GABRA5: variants seen among roughly 807,000 people sequenced by gnomAD.
GABRA5 encodes the protein gamma-aminobutyric acid receptor subunit alpha-5.
GABRA5 carries 18 observed loss-of-function variants against 47.3 expected under a neutral mutation model. That is an observed-to-expected ratio of 0.38 (90% confidence interval 0.26 to 0.56). GABRA5 has a LOEUF of 0.56. GABRA5 is among the 20% of genes least tolerant of loss of function. GABRA5 has a pLI of 0.71. For synonymous variants in GABRA5, 237 were observed against 229.3 expected (o/e 1.03, Z -0.30); for missense variants, 365 against 599.3 (o/e 0.61, Z 4.08).
intron 3 of GABRA5, among the ~76,000 whole-genome samples, chr15:26,879,684 T>C (rs536249112): frequency 2.0e-5 from 3 of 152,302 alleles, no homozygotes; most frequent in African/African-American, 7.2e-5. Flanking sequence ...GACTGACTTT[T>C]AAGAACAGGG....
rs552228822 is a variant in GABRA5 at position 26,917,356 on chromosome 15, C to G, written c.580+2471C>G. Among the ~76,000 whole-genome samples, 141 of 152,134 alleles carry G rather than the reference C, an allele frequency of 9.3e-4. 1 individual carries two copies. Among genetic ancestry groups the G allele is most frequent in the African/African-American group, 3.3e-3 (137 of 41,546 alleles). On this transcript the variant is annotated intron_variant, in intron 7 of 10. Coordinates refer to ENST00000335625, the MANE Select transcript of GABRA5 (RefSeq NM_000810.4). ...TCAAATGGTTTTTGTTTTTCATTCT[C>G]TTAATGTGATGTATTACATCAATTG... is the stretch of plus-strand genomic sequence containing the variant.
chr15:26,912,667 C>A (rs1218061424), intron 6 of GABRA5, among the ~76,000 whole-genome samples: 1 of 152,100 alleles, frequency 6.6e-6, no homozygotes, highest in East Asian at 1.9e-4. Flanking sequence ...AAATATTTAA[C>A]CTTTCAATGT....
chr15:26,869,471 A>G, intron 3 of GABRA5, 137 bp downstream of exon 3: 1 of 643,078 alleles, frequency 1.6e-6, no homozygotes, highest in East Asian at 2.6e-5. Context: ...CTTGTTGTAA[A>G]TAAATGAAGT....
At chr15:26,903,733 C>T (rs542395745) in intron 6 of GABRA5, among the ~76,000 whole-genome samples, 1 of 151,968 alleles carries the variant, frequency 6.6e-6, no homozygotes, top group South Asian at 2.1e-4. Context: ...TTCATATACT[C>T]ATTGGCTGCA....
Position 26,867,094 on chromosome 15 carries a change from A to G in GABRA5, c.-157A>G, listed in dbSNP as rs1198685162. The G allele has an allele frequency of 2.6e-5, 4 of 152,092 alleles. No homozygotes were observed. Among genetic ancestry groups the G allele is most frequent in the Non-Finnish European group, 5.9e-5 (4 of 67,846 alleles). 9.4% of individuals were successfully genotyped at this position (152,092 alleles called of 1,614,324 possible). On this transcript the variant is annotated 5_prime_UTR_variant, in exon 1 of 11. It removes an upstream start codon present in the reference 5' UTR. Coordinates refer to ENST00000335625, the MANE Select transcript of GABRA5 (RefSeq NM_000810.4). This position sits in a 1 kb window ranked among gnomAD's most constrained non-coding sequence, Gnocchi z 5.9. ...GCCGATCCTCCAGCCCAGAGACGACATGTGGCGCTCGGGCGAGGTGAGAGC... is the reference window on the plus strand; with the variant it reads ...GCCGATCCTCCAGCCCAGAGACGACGTGTGGCGCTCGGGCGAGGTGAGAGC...
chr15:26,947,183 T>C (rs1217888967), intron 10 of GABRA5, among the ~76,000 whole-genome samples: 3 of 152,236 alleles, frequency 2.0e-5, no homozygotes, highest in African/African-American at 4.8e-5. Flanking sequence ...ATTCCGTTTA[T>C]GGCAAGATCT....
intron 6 of GABRA5, among the ~76,000 whole-genome samples, chr15:26,901,592 C>G (rs1893328851): frequency 6.6e-6 from 1 of 152,122 alleles, no homozygotes; most frequent in South Asian, 2.1e-4. Flanking sequence ...AATATTTTCT[C>G]CTACTGTGTG....
Position 26,937,345 on chromosome 15 carries a change from C to A in GABRA5, c.724+17C>A. ...CCAGCACAGGTGAGGGCTCGGCACG[C>A]GCTGTGCTGCCAGGCGCACTCAGGA... On this transcript the variant is annotated intron_variant, in intron 8 of 10. Transcript: ENST00000335625. The A allele has an allele frequency of 6.3e-7, 1 of 1,590,644 alleles. No homozygotes were observed. The highest frequency in any genetic ancestry group is 1.7e-5 in the Admixed American group (1 of 57,690).
chr15:26,890,914 AAG>A (rs1374789746), intron 6 of GABRA5, among the ~76,000 whole-genome samples: 2 of 152,152 alleles, frequency 1.3e-5, no homozygotes, highest in African/African-American at 2.4e-5. Flanking sequence ...GGGACTTGGA[AAG>A]AGATCCAGAG....
chr15:26,876,103 A>G (rs28448414), intron 3 of GABRA5, among the ~76,000 whole-genome samples: 58,016 of 151,888 alleles, frequency 0.38, 11,326 homozygotes, highest in East Asian at 0.47. Context: ...TAGAGAACCC[A>G]ACAGGTATTT....
chr15:26,942,038 C>T (rs1290343421), intron 9 of GABRA5, among the ~76,000 whole-genome samples: 4 of 152,206 alleles, frequency 2.6e-5, no homozygotes, highest in African/African-American at 4.8e-5. Context: ...CACAGGTGCA[C>T]GCTTATGCAG....
At chr15:26,911,470 A>C (rs377598606) in intron 6 of GABRA5, among the ~76,000 whole-genome samples, 9 of 151,858 alleles carry the variant, frequency 5.9e-5, no homozygotes, top group South Asian at 2.1e-4. Context: ...GCCATCTTTC[A>C]ACATTGTCAG....
chr15:26,897,804 A>G (rs912947084), intron 6 of GABRA5, among the ~76,000 whole-genome samples: 1 of 152,180 alleles, frequency 6.6e-6, no homozygotes, highest in Non-Finnish European at 1.5e-5. Flanking sequence ...GAAGTAGACC[A>G]GTCAACATCA....
At chr15:26,933,513 C>A (rs1372961092) in intron 7 of GABRA5, among the ~76,000 whole-genome samples, 1 of 152,196 alleles carries the variant, frequency 6.6e-6, no homozygotes, top group Non-Finnish European at 1.5e-5. Flanking sequence ...ACAGTCTTTT[C>A]TGCTGGGAGA....
intron 6 of GABRA5, among the ~76,000 whole-genome samples, chr15:26,901,995 C>T (rs903595436): frequency 3.9e-5 from 6 of 151,962 alleles, no homozygotes; most frequent in African/African-American, 1.4e-4. Flanking sequence ...GTGTTCTCTT[C>T]TATTTATCTA....
intron 3 of GABRA5, among the ~76,000 whole-genome samples, chr15:26,878,000 G>A (rs1892639575): frequency 6.6e-6 from 1 of 152,218 alleles, no homozygotes; most frequent in South Asian, 2.1e-4. Context: ...AGAGCTCCTG[G>A]GCTGTACTCA....
At chr15:26,933,303 G>A (rs1486257608) in intron 7 of GABRA5, among the ~76,000 whole-genome samples, 1 of 152,160 alleles carries the variant, frequency 6.6e-6, no homozygotes, top group African/African-American at 2.4e-5. Flanking sequence ...TTCAAAGACA[G>A]CCACTCCATT....
rs1232012811 is a variant in GABRA5, at chr15:26,881,052, A to G, written c.208+85A>G. 5 of 1,449,850 alleles carry G rather than the reference A, an allele frequency of 3.4e-6. No homozygotes were observed. In the African/African-American group the frequency reaches 4.3e-5, roughly 12 times the overall value. The allele number at this position is 1,449,850 out of a possible 1,614,324, so 89.8% of individuals were successfully genotyped here. A position where few individuals can be genotyped will look rare whatever the true frequency, so the allele number is the denominator to read the frequency against. Reference sequence around the variant, plus strand: ...TCAAGCTTGTGTTTGCGCTGATTCAAACAATTCCTAAAAGAGCTTCCCTGC... The same window carrying G: ...TCAAGCTTGTGTTTGCGCTGATTCAGACAATTCCTAAAAGAGCTTCCCTGC... On this transcript the variant is annotated intron_variant, in intron 4 of 10. Transcript: ENST00000335625.
intron 7 of GABRA5, among the ~76,000 whole-genome samples, chr15:26,919,430 G>A (rs901718878): frequency 5.3e-5 from 8 of 151,574 alleles, no homozygotes; most frequent in Middle Eastern, 3.4e-3. Context: ...TCGTGGTTAC[G>A]GTGTAGCTTA....
Sources: gnomAD v4.1 joint callset for allele counts (sites outside exome capture counted in the v4.1 genomes callset) on GRCh38, gnomAD v4.1.1 for gene constraint, Gnocchi (gnomAD v3.1) non-coding constraint, MANE v1.5 for transcripts, NCBI Gene and HGNC (gene_info 2026-07-23, HGNC 2026-07-21) for gene names.